The following PHTF2 variants were observed in gnomAD, a reference collection of about 807,000 sequenced individuals.
PHTF2 encodes the protein protein PHTF2.
Under a neutral mutation model 101.2 loss-of-function variants are expected in PHTF2, and 60 were observed. The ratio of observed to expected loss-of-function variants is 0.59; its 90% CI spans 0.48 to 0.73. The LOEUF is 0.73. PHTF2 is among the 30% of genes least tolerant of loss of function. PHTF2 has a pLI of 0.00. For synonymous variants in PHTF2, 311 were observed against 307.3 expected (o/e 1.01, Z -0.13); for missense variants, 747 against 908.7 (o/e 0.82, Z 2.29).
chr7:77,891,324 A>G (rs182144149), intron 3 of PHTF2, among the ~76,000 whole-genome samples: 221 of 152,328 alleles, frequency 1.5e-3, no homozygotes, highest in Non-Finnish European at 2.1e-3. Flanking sequence ...CTATGTTCCC[A>G]TACTTACCTT....
chr7:77,825,928 C>G (rs1467722602), intron 1 of PHTF2, among the ~76,000 whole-genome samples: 1 of 152,002 alleles, frequency 6.6e-6, no homozygotes, highest in Non-Finnish European at 1.5e-5. Flanking sequence ...ATAGAGACTT[C>G]AACAAATGGA....
At chr7:77,910,735 G>A (rs1047557602) in intron 9 of PHTF2, among the ~76,000 whole-genome samples, 1 of 151,894 alleles carries the variant, frequency 6.6e-6, no homozygotes, top group Non-Finnish European at 1.5e-5. Context: ...TCTACCTTCT[G>A]GGTTCAAGTG....
intron 7 of PHTF2, among the ~76,000 whole-genome samples, chr7:77,905,083 G>A (rs1025971577): frequency 4.6e-5 from 7 of 152,138 alleles, no homozygotes; most frequent in African/African-American, 1.7e-4. Context: ...TGAGGCCCAG[G>A]GAAGCCAAAA....
At chr7:77,894,748 G>T (rs1800739813) in intron 5 of PHTF2, among the ~76,000 whole-genome samples, 1 of 152,088 alleles carries the variant, frequency 6.6e-6, no homozygotes, top group African/African-American at 2.4e-5. Context: ...AGCCTGGGGA[G>T]GTTGGGAAAG....
chr7:77,947,292 T>TATA (rs1201029717), intron 16 of PHTF2, among the ~76,000 whole-genome samples: 7 of 152,184 alleles, frequency 4.6e-5, no homozygotes, highest in African/African-American at 1.7e-4. Flanking sequence ...CTGAGCGCGG[T>TATA]GGCTCACGCC....
chr7:77,905,419 A>G (rs1444995714), intron 7 of PHTF2, among the ~76,000 whole-genome samples: 1 of 151,834 alleles, frequency 6.6e-6, no homozygotes, highest in Non-Finnish European at 1.5e-5. Context: ...TTTTGTAGAG[A>G]TGGGGTCTTA....
intron 16 of PHTF2, among the ~76,000 whole-genome samples, chr7:77,945,020 G>C (rs1805928110): frequency 6.6e-6 from 1 of 152,158 alleles, no homozygotes; most frequent in Non-Finnish European, 1.5e-5. Flanking sequence ...AGACATCGTG[G>C]GAGATCCAAC....
intron 3 of PHTF2, among the ~76,000 whole-genome samples, chr7:77,883,769 A>G (rs1279167043): frequency 6.6e-6 from 1 of 152,112 alleles, no homozygotes; most frequent in African/African-American, 2.4e-5. Context: ...CTTCTATCTG[A>G]TGTTATAGCA....
chr7:77,886,108 T>C, intron 3 of PHTF2, among the ~76,000 whole-genome samples: 1 of 152,206 alleles, frequency 6.6e-6, no homozygotes, highest in East Asian at 1.9e-4. Context: ...ATCTTTTATC[T>C]AAGCACTCAG....
chr7:77,831,526 C>T (rs78291711), intron 1 of PHTF2, among the ~76,000 whole-genome samples: 2 of 152,134 alleles, frequency 1.3e-5, no homozygotes, highest in Non-Finnish European at 2.9e-5. Context: ...TAATGAGTCA[C>T]CATGGTGTGT....
rs558998770 is a variant in PHTF2, at chr7:77,954,132, G to T, written c.2337+238G>T. 5.5e-4 allele frequency among the ~76,000 whole-genome samples: 83 copies of T among 151,806 alleles called. 1 individual carries two copies. The highest frequency in any genetic ancestry group is 1.4e-3 in the African/African-American group (60 of 41,412). On this transcript the variant is annotated intron_variant, in intron 19 of 19. Coordinates refer to ENST00000416283, the Ensembl canonical transcript of PHTF2. The stretch of plus-strand genomic sequence containing the variant: ...TGTGTAGGATAAGTAGAAGTATTTG[G>T]TTTTTTTTATTTTTTATTTTGAGAT...
chr7:77,913,645 C>A (rs971081310), intron 9 of PHTF2, among the ~76,000 whole-genome samples: 1 of 152,130 alleles, frequency 6.6e-6, no homozygotes, highest in African/African-American at 2.4e-5. Context: ...TTACAGCTCT[C>A]ACTATGTTGC....
intron 11 of PHTF2, chr7:77,924,203 C>A (rs1803747588): frequency 1.2e-6 from 1 of 809,298 alleles, no homozygotes; most frequent in Non-Finnish European, 1.5e-6. Flanking sequence ...TGCTCTTTTG[C>A]GTTTTTATTT....
chr7:77,893,326 T>C (rs1800603855), intron 3 of PHTF2, among the ~76,000 whole-genome samples: 2 of 151,768 alleles, frequency 1.3e-5, no homozygotes, highest in South Asian at 4.1e-4. Flanking sequence ...TTTTAAAACA[T>C]AGGTTTTGGG....
At chr7:77,830,205 C>T (rs1428103724) in intron 1 of PHTF2, among the ~76,000 whole-genome samples, 1 of 152,212 alleles carries the variant, frequency 6.6e-6, no homozygotes, top group Non-Finnish European at 1.5e-5. Context: ...AGTAAGTACA[C>T]AGCAGTCCCC....
At chr7:77,891,830 C>G (rs1347095720) in intron 3 of PHTF2, among the ~76,000 whole-genome samples, 1 of 152,136 alleles carries the variant, frequency 6.6e-6, no homozygotes, top group Non-Finnish European at 1.5e-5. Context: ...AAGCGATTCT[C>G]CCACCTCAAC....
At chr7:77,891,969 C>T (rs985379856) in intron 3 of PHTF2, among the ~76,000 whole-genome samples, 3 of 152,156 alleles carry the variant, frequency 2.0e-5, no homozygotes, top group Non-Finnish European at 4.4e-5. Context: ...AGAATTAATA[C>T]GAGCAAGATA....
chr7:77,873,953 A>G (rs542359498), intron 3 of PHTF2, among the ~76,000 whole-genome samples: 124 of 152,306 alleles, frequency 8.1e-4, no homozygotes, highest in African/African-American at 2.8e-3. Flanking sequence ...ACCCAGGGCA[A>G]TCTTAGCAGA....
intron 1 of PHTF2, 69 bp from the exon 2 acceptor site, chr7:77,840,152 G>T: frequency 1.2e-6 from 1 of 800,882 alleles, no homozygotes; most frequent in Non-Finnish European, 2.2e-6. Context: ...TGCTATGTCT[G>T]CATGCTGTTC....
Sources: allele counts gnomAD v4.1 joint callset (sites outside exome capture counted in the v4.1 genomes callset), GRCh38; gene constraint gnomAD v4.1.1; transcripts MANE v1.5; gene names NCBI Gene and HGNC (gene_info 2026-07-23, HGNC 2026-07-21).